LAMA3: variants seen among roughly 807,000 people sequenced by gnomAD.
The protein encoded by LAMA3 is laminin subunit alpha 3.
Under a neutral mutation model 402.0 loss-of-function variants are expected in LAMA3, and 281 were observed. The observed-to-expected ratio is 0.70, with a 90% CI of 0.63 to 0.77. The LOEUF is 0.77. LAMA3 is among the 30% of genes least tolerant of loss of function. The pLI is 0.00. For missense variants in LAMA3, 3,840 were observed against 4,215.5 expected (o/e 0.91, Z 2.47); for synonymous variants, 1,431 against 1,558.4 (o/e 0.92, Z 1.93).
intron 15 of LAMA3, among the ~76,000 whole-genome samples, chr18:23,814,924 A>ATGG (rs1402527934): frequency 6.6e-6 from 1 of 152,280 alleles, no homozygotes; most frequent in African/African-American, 2.4e-5. Flanking sequence ...GAATCATTCA[A>ATGG]AAATCCCATG....
chr18:23,736,651 A>G (rs1029762590), intron 2 of LAMA3, among the ~76,000 whole-genome samples: 1 of 152,204 alleles, frequency 6.6e-6, no homozygotes, highest in African/African-American at 2.4e-5. Flanking sequence ...CACATTTGCA[A>G]GATAGAGTGG....
In LAMA3 at chr18:23,866,088, G is replaced by A. The variant is rs2064350035; in HGVS notation, c.4683+1205G>A. 3.3e-5 allele frequency among the ~76,000 whole-genome samples: 5 copies of A among 152,196 alleles called. No individual in the cohort carries two copies. The South Asian group carries it at 1.0e-3, about 32-fold the overall frequency. On this transcript the variant is annotated intron_variant, in intron 36 of 74. Coordinates refer to ENST00000313654, the MANE Select transcript of LAMA3 (RefSeq NM_198129.4). ...CCTCAAGTAGTCCACCCACCACTGA[G>A]GGGACGTTTGTTTTTTGAGAAAGGA...
intron 12 of LAMA3, among the ~76,000 whole-genome samples, chr18:23,790,149 T>C (rs1387674448): frequency 6.6e-6 from 1 of 152,210 alleles, no homozygotes. Context: ...AGGAATTCTA[T>C]TGTATTCTTT....
intron 2 of LAMA3, among the ~76,000 whole-genome samples, chr18:23,741,857 A>C (rs1036873971): frequency 2.0e-5 from 3 of 152,148 alleles, no homozygotes; most frequent in African/African-American, 7.2e-5. Context: ...TCTGGCCAAG[A>C]ATGCCCCACC....
At chr18:23,871,028 A>G (rs984251332) in intron 37 of LAMA3, among the ~76,000 whole-genome samples, 4 of 152,236 alleles carry the variant, frequency 2.6e-5, no homozygotes, top group African/African-American at 9.6e-5. Flanking sequence ...TTTGTGCAAG[A>G]AAAGATTGTA....
At chr18:23,909,862 T>G (rs376271644) in intron 55 of LAMA3, among the ~76,000 whole-genome samples, 11 of 152,348 alleles carry the variant, frequency 7.2e-5, no homozygotes, top group South Asian at 4.1e-4. Context: ...CAATAACTCC[T>G]AGACAGCCCT....
rs969024177 is a variant in LAMA3, at chr18:23,826,776, C to A, written c.2646C>A (p.Ala882=). 6.4e-7 allele frequency: 1 copy of A among 1,563,994 alleles called. No individual in the cohort carries two copies. Among genetic ancestry groups the A allele is most frequent in the African/African-American group, 1.3e-5 (1 of 74,242 alleles). The change falls in exon 22 of 75, where the codon GCC becomes GCA. Residue 882 remains alanine, a synonymous_variant. Coordinates refer to ENST00000313654, the MANE Select transcript of LAMA3 (RefSeq NM_198129.4). ...VLQLPVTEPC[A]YAGPPQENCL... is the part of the protein sequence containing the mutation. Reference sequence around the variant, plus strand: ...AGCTGCCAGTCACAGAACCATGTGCCTACGCAGGACCTCCCCAAGAAAAGT... The same window carrying A: ...AGCTGCCAGTCACAGAACCATGTGCATACGCAGGACCTCCCCAAGAAAAGT...
intron 8 of LAMA3, 98 bp downstream of exon 8, chr18:23,763,621 T>C (rs2062019332): frequency 1.2e-5 from 10 of 822,306 alleles, no homozygotes; most frequent in Non-Finnish European, 2.0e-5. Flanking sequence ...TGGCAGGCAA[T>C]CGTAAGAGTT....
At chr18:23,819,649 T>G (rs555081712) in intron 18 of LAMA3, among the ~76,000 whole-genome samples, 192 bp from the exon 19 acceptor site, 131 of 152,306 alleles carry the variant, frequency 8.6e-4, no homozygotes, top group African/African-American at 3.1e-3. Flanking sequence ...GTTGAGTGTG[T>G]TTTATGTGAA....
chr18:23,888,140 A>C (rs2080502328), intron 41 of LAMA3, among the ~76,000 whole-genome samples: 1 of 152,242 alleles, frequency 6.6e-6, no homozygotes, highest in Admixed American at 6.5e-5. Context: ...TGTTAGGTAG[A>C]ATACCAAGCC....
intron 2 of LAMA3, among the ~76,000 whole-genome samples, chr18:23,738,570 G>T (rs1032572976): frequency 6.6e-6 from 1 of 152,202 alleles, no homozygotes; most frequent in African/African-American, 2.4e-5. Flanking sequence ...ATGAGCAGAA[G>T]TGAAGAAGGC....
intron 48 of LAMA3, 47 bp from the exon 49 acceptor site, chr18:23,902,962 T>A: frequency 9.1e-7 from 1 of 1,096,136 alleles, no homozygotes; most frequent in Non-Finnish European, 1.4e-6. Flanking sequence ...CTATGCCTTC[T>A]GATAATATAT....
Position 23,689,575 on chromosome 18 carries a change from C to G in LAMA3, c.-109C>G. ...AGCGGCCCCGGCGCCGCCCATATCC[C>G]CGGCTGCGCTAGTCCTGGCGCTGCA... On this transcript the variant is annotated 5_prime_UTR_variant, in exon 1 of 75. Transcript: ENST00000313654. 9.1e-7 allele frequency: 1 copy of G among 1,093,240 alleles called. No homozygotes were observed. Among genetic ancestry groups the G allele is most frequent in the Non-Finnish European group, 1.2e-6 (1 of 866,150 alleles). 67.7% of individuals were successfully genotyped at this position (1,093,240 alleles called of 1,614,324 possible). A position where few individuals can be genotyped will look rare whatever the true frequency, so the allele number is the denominator to read the frequency against.
At chr18:23,759,421 C>A (rs2143692860) in intron 7 of LAMA3, among the ~76,000 whole-genome samples, 1 of 151,952 alleles carries the variant, frequency 6.6e-6, no homozygotes, top group East Asian at 1.9e-4. Context: ...CTAAATAAAT[C>A]TCCTTGTGAA....
intron 72 of LAMA3, among the ~76,000 whole-genome samples, chr18:23,950,500 A>G (rs2082870251): frequency 6.6e-6 from 1 of 152,172 alleles, no homozygotes; most frequent in Admixed American, 6.5e-5. Flanking sequence ...GATTATAGAA[A>G]TCGCCATATA....
At chr18:23,721,149 C>T (rs537827972) in intron 2 of LAMA3, among the ~76,000 whole-genome samples, 1 of 151,980 alleles carries the variant, frequency 6.6e-6, no homozygotes, top group South Asian at 2.1e-4. Context: ...CAGAGTAAGA[C>T]CCTGCCTCTA....
chr18:23,904,802 C>G (rs2081190969), intron 51 of LAMA3, 108 bp downstream of exon 51: 1 of 1,239,304 alleles, frequency 8.1e-7, no homozygotes, highest in South Asian at 1.3e-5. Flanking sequence ...TATTTTAAAT[C>G]AGAACTTGTT....
chr18:23,739,177 G>T (rs1047106551), intron 2 of LAMA3, among the ~76,000 whole-genome samples: 3 of 152,112 alleles, frequency 2.0e-5, no homozygotes, highest in African/African-American at 7.2e-5. Flanking sequence ...CCTTATTTGG[G>T]CTTGTCATTG....
At chr18:23,832,873 G>A (rs191292095) in intron 23 of LAMA3, among the ~76,000 whole-genome samples, 110 of 152,286 alleles carry the variant, frequency 7.2e-4, no homozygotes, top group Non-Finnish European at 1.2e-3. Context: ...GCAAGTCATA[G>A]TAAAAAGCAA....
Sources: gnomAD v4.1 joint callset for allele counts (sites outside exome capture counted in the v4.1 genomes callset) on GRCh38, gnomAD v4.1.1 for gene constraint, MANE v1.5 for transcripts, NCBI Gene and HGNC (gene_info 2026-07-23, HGNC 2026-07-21) for gene names.